Variants in PALM2AKAP2 observed in about 807,000 individuals in gnomAD.
PALM2AKAP2 encodes the protein PALM2-AKAP2 fusion protein.
Under a neutral mutation model 71.5 loss-of-function variants are expected in PALM2AKAP2, and 37 were observed. The ratio of observed to expected loss-of-function variants is 0.52; its 90% CI spans 0.40 to 0.68. The LOEUF (loss-of-function observed/expected upper bound fraction) is 0.68. Among genes scored for constraint, PALM2AKAP2 ranks in the 30% least tolerant of loss-of-function variants. The pLI is 0.00. For missense variants in PALM2AKAP2, 1,224 were observed against 1,191.8 expected, an observed-to-expected ratio of 1.03 and a Z score of -0.40; for synonymous variants, 468 against 478.8, an observed-to-expected ratio of 0.98 and a Z score of 0.29.
intron 1 of PALM2AKAP2, among the ~76,000 whole-genome samples, chr9:109,841,187 T>C (rs1241413794): frequency 6.6e-6 from 1 of 151,912 alleles, no homozygotes; most frequent in African/African-American, 2.4e-5. Context: ...TATGCTGCCA[T>C]AAAAAAGGAT....
intron 3 of PALM2AKAP2, among the ~76,000 whole-genome samples, chr9:109,901,920 C>T (rs942339110): frequency 4.6e-5 from 7 of 152,194 alleles, no homozygotes; most frequent in African/African-American, 1.2e-4. Context: ...AAGCAGCGCA[C>T]GGCTCTGGAG....
chr9:109,909,027 T>C (rs1830511928), intron 3 of PALM2AKAP2, among the ~76,000 whole-genome samples: 1 of 152,236 alleles, frequency 6.6e-6, no homozygotes, highest in African/African-American at 2.4e-5. Flanking sequence ...CAAAATGAAG[T>C]AAATGCTGAG....
intron 3 of PALM2AKAP2, among the ~76,000 whole-genome samples, chr9:109,906,473 A>G (rs1472588865): frequency 6.6e-6 from 1 of 152,244 alleles, no homozygotes; most frequent in East Asian, 1.9e-4. Context: ...TGCTGAGATT[A>G]CAGGCATGAG....
At chr9:109,644,326 G>T (rs556544131) in intron 1 of PALM2AKAP2, among the ~76,000 whole-genome samples, 4 of 151,884 alleles carry the variant, frequency 2.6e-5, no homozygotes, top group African/African-American at 9.7e-5. Context: ...TTTCATCTCC[G>T]GTAGAAAAGC....
intron 6 of PALM2AKAP2, among the ~76,000 whole-genome samples, chr9:109,936,111 T>C (rs1831212252): frequency 6.6e-6 from 1 of 152,218 alleles, no homozygotes; most frequent in African/African-American, 2.4e-5. Flanking sequence ...TGATACATAA[T>C]AATTGTACAT....
intron 3 of PALM2AKAP2, among the ~76,000 whole-genome samples, chr9:109,909,162 GCACA>G (rs35019823): frequency 3.5e-5 from 5 of 143,030 alleles, no homozygotes; most frequent in Admixed American, 1.4e-4. Flanking sequence ...ACGCGCGCAC[GCACA>G]CACACACACA....
At chr9:110,143,419 A>AAAC (rs1554756610) in intron 2 of PALM2AKAP2, among the ~76,000 whole-genome samples, 8 of 147,328 alleles carry the variant, frequency 5.4e-5, no homozygotes, top group South Asian at 2.1e-4. Flanking sequence ...GCCAAAAAAA[A>AAAC]AAAAAAAAAA....
chr9:109,731,127 T>C (rs1024174697), intron 1 of PALM2AKAP2, among the ~76,000 whole-genome samples: 10 of 152,200 alleles, frequency 6.6e-5, no homozygotes, highest in Non-Finnish European at 1.5e-5. Context: ...CTTATATACA[T>C]GTATACATAC....
intron 1 of PALM2AKAP2, among the ~76,000 whole-genome samples, chr9:110,114,412 C>T (rs1249739484): frequency 3.9e-5 from 6 of 152,178 alleles, no homozygotes; most frequent in Non-Finnish European, 8.8e-5. Context: ...CGCAAAGATC[C>T]TATTTCCAAG....
At chr9:109,851,212 A>AACAAC (rs1564179684) in intron 1 of PALM2AKAP2, among the ~76,000 whole-genome samples, 40 of 94,354 alleles carry the variant, frequency 4.2e-4, no homozygotes, top group South Asian at 6.4e-4. Flanking sequence ...ACAACAACAA[A>AACAAC]AAAAAAAAAA....
At chr9:109,663,493 G>A (rs1308214479) in intron 1 of PALM2AKAP2, among the ~76,000 whole-genome samples, 1 of 152,114 alleles carries the variant, frequency 6.6e-6, no homozygotes, top group Non-Finnish European at 1.5e-5. Flanking sequence ...GTAGTTGTGT[G>A]GTTTTGAGTG....
intron 6 of PALM2AKAP2, among the ~76,000 whole-genome samples, chr9:109,988,275 G>A (rs1173897221): frequency 6.6e-6 from 1 of 152,176 alleles, no homozygotes; most frequent in African/African-American, 2.4e-5. Flanking sequence ...GTCATATGCA[G>A]TCTTTTTAGA....
At chr9:109,844,695 T>C (rs1037561050) in intron 1 of PALM2AKAP2, among the ~76,000 whole-genome samples, 1 of 152,162 alleles carries the variant, frequency 6.6e-6, no homozygotes, top group African/African-American at 2.4e-5. Context: ...ATGTGTACAG[T>C]TGTGCATATG....
intron 1 of PALM2AKAP2, among the ~76,000 whole-genome samples, chr9:109,785,561 A>G (rs1826939292): frequency 1.3e-5 from 2 of 152,170 alleles, no homozygotes; most frequent in Non-Finnish European, 2.9e-5. Flanking sequence ...GTGGCTGGGG[A>G]GGCCTCACAA....
chr9:109,826,277 C>G lies in PALM2AKAP2; in HGVS notation c.46-41214C>G, dbSNP rs6477729. Among the ~76,000 whole-genome samples the G allele has an allele frequency of 2.6e-5, 4 of 152,004 alleles. No homozygotes were observed. In the South Asian group the frequency reaches 8.3e-4, roughly 32 times the overall value. ...TATACCTAATGTAAATGATGAGTTA[C>G]TGGGTGCAGCACACCAACATGGCAC... On this transcript the variant is annotated intron_variant, in intron 1 of 9. Transcript: ENST00000302798.
At chr9:109,944,189 A>G (rs182048892) in intron 6 of PALM2AKAP2, 4 of 152,350 alleles carry the variant, frequency 2.6e-5, no homozygotes, top group African/African-American at 9.6e-5. Context: ...TGAAACAAAC[A>G]TTGTTTGAAG....
rs148933707 is a variant in PALM2AKAP2 at position 109,709,543 on chromosome 9, A to G, written c.5+68677A>G. 1.3e-3 allele frequency among the ~76,000 whole-genome samples: 199 copies of G among 152,000 alleles called. 1 individual carries two copies. Among genetic ancestry groups the G allele is most frequent in the African/African-American group, 4.5e-3 (188 of 41,454 alleles). On this transcript the variant is annotated intron_variant, in intron 1 of 6. Transcript: ENST00000374531. ...CTCAGGGCCAGTCTTCCTTCATACAACTCTGTGAACAGACCTAATTTCAGA... is the reference window on the plus strand; with the variant it reads ...CTCAGGGCCAGTCTTCCTTCATACAGCTCTGTGAACAGACCTAATTTCAGA...
chr9:110,042,740 C>T (rs954700812), intron 7 of PALM2AKAP2, among the ~76,000 whole-genome samples: 2 of 152,088 alleles, frequency 1.3e-5, no homozygotes, highest in Non-Finnish European at 2.9e-5. Context: ...GTTAGTTCTC[C>T]TAGACTCTTG....
intron 1 of PALM2AKAP2, among the ~76,000 whole-genome samples, chr9:109,742,255 AC>A (rs1828726955): frequency 2.0e-4 from 1 of 5,106 alleles, no homozygotes; most frequent in Admixed American, 1.3e-3. Context: ...ATGTATTCAC[AC>A]ACACACACAC....
Sources: gnomAD v4.1 joint callset for allele counts (sites outside exome capture counted in the v4.1 genomes callset) on GRCh38, gnomAD v4.1.1 for gene constraint, MANE v1.5 for transcripts, NCBI Gene and HGNC (gene_info 2026-07-23, HGNC 2026-07-21) for gene names.